THSD7B: variants seen among roughly 807,000 people sequenced by gnomAD.
The protein encoded by THSD7B is thrombospondin type-1 domain-containing protein 7B.
In THSD7B, 138 loss-of-function variants were observed where a neutral mutation model predicts 213.6. The ratio of observed to expected loss-of-function variants is 0.65; its 90% confidence interval spans 0.56 to 0.74. The LOEUF (loss-of-function observed/expected upper bound fraction) is 0.74, where lower values mean the gene tolerates loss of function less well. Ranked by LOEUF, THSD7B falls within the 30% of genes least tolerant of loss-of-function variation. THSD7B has a pLI of 0.00. For synonymous variants in THSD7B, 742 were observed against 687.0 expected (o/e 1.08, Z -1.25); for missense variants, 1,931 against 1,991.5 (o/e 0.97, Z 0.58).
intron 2 of THSD7B, among the ~76,000 whole-genome samples, chr2:137,034,029 A>G (rs999238267): frequency 2.7e-5 from 4 of 146,706 alleles, no homozygotes; most frequent in Non-Finnish European, 5.9e-5. Context: ...GTTCCCACCT[A>G]TGAGTGAGAA....
intron 12 of THSD7B, among the ~76,000 whole-genome samples, chr2:137,386,951 G>C (rs541622213): frequency 1.5e-4 from 23 of 152,268 alleles, no homozygotes; most frequent in African/African-American, 5.3e-4. Flanking sequence ...TCTTTGCTAA[G>C]TTTTTAGATA....
intron 17 of THSD7B, among the ~76,000 whole-genome samples, chr2:137,594,988 T>G (rs1681932441): frequency 1.3e-5 from 2 of 152,016 alleles, no homozygotes; most frequent in Non-Finnish European, 2.9e-5. Context: ...TGTTTTGCTA[T>G]CTTTACTTTC....
intron 5 of THSD7B, among the ~76,000 whole-genome samples, chr2:137,151,828 T>TG (rs1199461499): frequency 1.3e-5 from 2 of 152,144 alleles, no homozygotes; most frequent in Admixed American, 1.3e-4. Context: ...TTAGGATGAC[T>TG]GTGATGTCCT....
At chr2:136,965,914 T>C (rs1685306034) in intron 2 of THSD7B, among the ~76,000 whole-genome samples, 1 of 152,220 alleles carries the variant, frequency 6.6e-6, no homozygotes, top group Admixed American at 6.5e-5. Flanking sequence ...TCTTTTCCAC[T>C]TTCCTAGATT....
chr2:137,261,788 C>G (rs973778147), intron 10 of THSD7B, among the ~76,000 whole-genome samples: 1 of 152,030 alleles, frequency 6.6e-6, no homozygotes, highest in Non-Finnish European at 1.5e-5. Context: ...TTTACAACCA[C>G]CTCCAAAACA....
chr2:137,406,147 G>A (rs1432246996), intron 13 of THSD7B, among the ~76,000 whole-genome samples: 1 of 152,162 alleles, frequency 6.6e-6, no homozygotes, highest in African/African-American at 2.4e-5. Context: ...GGATCTCAGT[G>A]AGCTTGAAGG....
At chr2:137,354,268 T>G (rs1351368269) in intron 12 of THSD7B, among the ~76,000 whole-genome samples, 1 of 128,488 alleles carries the variant, frequency 7.8e-6, no homozygotes, top group Non-Finnish European at 1.7e-5. Flanking sequence ...TGCACAGATA[T>G]GATTAATGCA....
chr2:136,925,787 A>C (rs573777), intron 2 of THSD7B, among the ~76,000 whole-genome samples: 63,847 of 151,864 alleles, frequency 0.42, 15,257 homozygotes, highest in Non-Finnish European at 0.55. Context: ...TAGGGAAGCC[A>C]TTTTATCCTG....
intron 14 of THSD7B, among the ~76,000 whole-genome samples, chr2:137,426,559 T>G (rs150860711): frequency 2.5e-4 from 38 of 152,210 alleles, no homozygotes; most frequent in African/African-American, 8.4e-4. Flanking sequence ...TTACCAAGAA[T>G]ACACAATGGG....
chr2:137,280,141 T>C (rs1462595190), intron 12 of THSD7B, among the ~76,000 whole-genome samples: 1 of 152,172 alleles, frequency 6.6e-6, no homozygotes, highest in Non-Finnish European at 1.5e-5. Flanking sequence ...GCTTCTAGTG[T>C]GGGAATTTTA....
At chr2:137,466,437 A>G (rs971286602) in intron 15 of THSD7B, among the ~76,000 whole-genome samples, 20 of 152,144 alleles carry the variant, frequency 1.3e-4, no homozygotes, top group African/African-American at 4.3e-4. Flanking sequence ...ACGGCTTTAA[A>G]TGTGGCCCAA....
chr2:136,849,727 T>A (rs1683066848), intron 1 of THSD7B, among the ~76,000 whole-genome samples: 1 of 152,186 alleles, frequency 6.6e-6, no homozygotes, highest in Non-Finnish European at 1.5e-5. Context: ...CCTTCCAGAT[T>A]GCATTTCATT....
intron 14 of THSD7B, among the ~76,000 whole-genome samples, chr2:137,412,638 A>G (rs1269055890): frequency 6.7e-6 from 1 of 148,932 alleles, no homozygotes; most frequent in Non-Finnish European, 1.5e-5. Context: ...CAGTTTTACT[A>G]TATAAAGTAT....
In THSD7B at chr2:136,915,923, T is replaced by A. The variant is rs1334843578; in HGVS notation, c.139+33606T>A. Among the ~76,000 whole-genome samples, 3 of 152,350 alleles carry A rather than the reference T, an allele frequency of 2.0e-5. No individual in the cohort carries two copies. In the South Asian group the frequency reaches 6.2e-4, roughly 32 times the overall value. The stretch of plus-strand genomic sequence containing the variant: ...AAGTTTCAGGTCTGTAAGTTTATGT[T>A]AAGTGCCTATACTTGAAGTACATTT... On this transcript the variant is annotated intron_variant, in intron 2 of 27. Coordinates refer to ENST00000409968, the MANE Select transcript of THSD7B (RefSeq NM_001316349.2).
intron 2 of THSD7B, among the ~76,000 whole-genome samples, chr2:137,015,015 G>A (rs988359975): frequency 1.3e-5 from 2 of 151,938 alleles, no homozygotes; most frequent in Non-Finnish European, 2.9e-5. Flanking sequence ...CCCTCAGCTT[G>A]GTTCTGTTTC....
chr2:136,880,578 C>CTTCCTGT (rs2104990013), intron 1 of THSD7B, among the ~76,000 whole-genome samples: 1 of 152,238 alleles, frequency 6.6e-6, no homozygotes, highest in South Asian at 2.1e-4. Context: ...ATGTGCCCCT[C>CTTCCTGT]TTCCTGTTTC....
intron 4 of THSD7B, among the ~76,000 whole-genome samples, chr2:137,106,769 G>C (rs141910709): frequency 6.6e-6 from 1 of 152,072 alleles, no homozygotes; most frequent in Admixed American, 6.6e-5. Flanking sequence ...ACATTTATGC[G>C]GCCAACAAAC....
intron 2 of THSD7B, among the ~76,000 whole-genome samples, chr2:137,040,454 C>T (rs549461558): frequency 5.3e-5 from 8 of 150,798 alleles, no homozygotes; most frequent in South Asian, 2.1e-4. Context: ...AGTGCAATGG[C>T]GCAATCTTGG....
rs756864471 is a variant in THSD7B at position 137,659,787 on chromosome 2, CTG to C, written c.4458+45_4458+46del. On this transcript the variant is annotated intron_variant, in intron 25 of 27. Coordinates refer to ENST00000409968, the MANE Select transcript of THSD7B (RefSeq NM_001316349.2). Reference sequence around the variant, plus strand: ...GAGTCTTCTATAAGTGCATTAATTGCTGTGTTTTACACATGCAATCAGATGTT... The same window carrying C: ...GAGTCTTCTATAAGTGCATTAATTGCTGTTTTACACATGCAATCAGATGTT... The C allele has an allele frequency of 3.9e-6, 6 of 1,545,946 alleles. No homozygotes were observed. In the African/African-American group the frequency reaches 8.2e-5, roughly 21 times the overall value.
Sources: gnomAD v4.1 joint callset for allele counts (sites outside exome capture counted in the v4.1 genomes callset) on GRCh38, gnomAD v4.1.1 for gene constraint, MANE v1.5 for transcripts, NCBI Gene and HGNC (gene_info 2026-07-23, HGNC 2026-07-21) for gene names.